The following CARMIL3 variants were observed in gnomAD, a reference collection of about 807,000 sequenced individuals.
CARMIL3 encodes the protein capping protein regulator and myosin 1 linker 3.
A neutral mutation model predicts 180.8 loss-of-function variants in CARMIL3; 88 were observed. That is an observed-to-expected ratio of 0.49 (90% CI 0.41 to 0.58). The LOEUF (loss-of-function observed/expected upper bound fraction) is 0.58, where lower values mean the gene tolerates loss of function less well. Among genes scored for constraint, CARMIL3 ranks in the 20% least tolerant of loss-of-function variants. The pLI is 0.00. For synonymous variants in CARMIL3, 696 were observed against 714.5 expected (o/e 0.97, Z 0.41); for missense variants, 1,548 against 1,787.0 (o/e 0.87, Z 2.41).
rs373406404 is a variant in CARMIL3 at position 24,058,872 on chromosome 14, C to G, written c.1475-18C>G. The G allele has an allele frequency of 2.5e-6, 4 of 1,614,036 alleles. No individual in the cohort carries two copies. In the African/African-American group the frequency reaches 5.3e-5, roughly 22 times the overall value. On this transcript the variant is annotated intron_variant, in intron 18 of 39. Coordinates refer to ENST00000342740, the MANE Select transcript of CARMIL3 (RefSeq NM_138360.4). This position sits in a 1 kb window ranked among gnomAD's most constrained non-coding sequence, Gnocchi z 6.4. Reference sequence around the variant, plus strand: ...AGCCTCAGGCCTCCAGGCCAGGCCTCTCCCATCTGCTCACCAGGGTTCGAC... The same window carrying G: ...AGCCTCAGGCCTCCAGGCCAGGCCTGTCCCATCTGCTCACCAGGGTTCGAC...
chr14:24,066,683 A>C (rs773763553), intron 36 of CARMIL3, 27 bp downstream of exon 36: 24 of 1,609,800 alleles, frequency 1.5e-5, no homozygotes, highest in Non-Finnish European at 1.9e-5. Flanking sequence ...TTCAGGCAGC[A>C]GTACTGAAAG....
intron 14 of CARMIL3, 73 bp downstream of exon 14, chr14:24,057,317 C>G: frequency 1.0e-5 from 14 of 1,394,576 alleles, no homozygotes; most frequent in South Asian, 3.6e-5. Flanking sequence ...GTCTCACCCC[C>G]TATCCCTGAG....
Position 24,059,755 on chromosome 14 carries a change from C to A in CARMIL3, c.1868+23C>A. 1 of 1,612,498 alleles carries A rather than the reference C, an allele frequency of 6.2e-7. No individual in the cohort carries two copies. On this transcript the variant is annotated intron_variant, in intron 22 of 39. Coordinates refer to ENST00000342740, the MANE Select transcript of CARMIL3 (RefSeq NM_138360.4). The surrounding 1 kb of genome is among the most constrained non-coding windows in gnomAD (Gnocchi z 6.3). ...GAGGTGAGTAGACCATGGTCCTGCCCTGATCCAAGTCCCCAGCCTCCCTGT... is the reference window on the plus strand; with the variant it reads ...GAGGTGAGTAGACCATGGTCCTGCCATGATCCAAGTCCCCAGCCTCCCTGT...
At position 24,060,060 on chromosome 14, in the gene CARMIL3, G is replaced by A. The variant is rs61732659; in HGVS notation, c.1959G>A (p.Gln653=). The A allele has an allele frequency of 6.2e-7, 1 of 1,613,960 alleles. No individual in the cohort carries two copies. The highest frequency in any genetic ancestry group is 1.3e-5 in the African/African-American group (1 of 75,080). ...SAPERTEDVW[Q]KIQWCLVRNN... ...CTGAGCGCACCGAGGACGTCTGGCA[G>A]AAGGTGCAGGGTGCTGTCCTAAGCA... Residue 653 remains glutamine (Q), a synonymous_variant, in exon 23 of 40, where the codon CAG becomes CAA. Coordinates refer to ENST00000342740, the MANE Select transcript of CARMIL3 (RefSeq NM_138360.4).
At position 24,054,572 on chromosome 14, in the gene CARMIL3, T is replaced by A; in HGVS notation, c.362+61T>A. The stretch of plus-strand genomic sequence containing the variant: ...ATGAGAGGGAGAGTTCATCCCTTCC[T>A]CCTTCCCCTGGGCCAGGGCTGAGAA... On this transcript the variant is annotated intron_variant, in intron 5 of 39. Transcript: ENST00000342740. The surrounding 1 kb of genome is among the most constrained non-coding windows in gnomAD (Gnocchi z 5.1). 1 of 1,553,282 alleles carries A rather than the reference T, an allele frequency of 6.4e-7. No homozygotes were observed. The highest frequency in any genetic ancestry group is 1.1e-5 in the South Asian group (1 of 88,882).
chr14:24,055,458 A>G (rs1393972668), intron 8 of CARMIL3, 85 bp from the exon 9 acceptor site: 10 of 1,549,722 alleles, frequency 6.5e-6, no homozygotes, highest in Non-Finnish European at 8.0e-6. Flanking sequence ...GGCCTTCCCC[A>G]GCCCAACCAC....
rs1290398207 is a variant in CARMIL3 at position 24,059,114 on chromosome 14, C to G, written c.1572-21C>G. 5 of 1,591,136 alleles carry G rather than the reference C, an allele frequency of 3.1e-6. No homozygotes were observed. The highest frequency in any genetic ancestry group is 4.3e-6 in the Non-Finnish European group (5 of 1,169,036). ...TGACCCCAGCCCTTCCCCTCCTACT[C>G]TGAGCCCCGCCTCCCTGCAGGACCC... On this transcript the variant is annotated intron_variant, in intron 19 of 39. Coordinates refer to ENST00000342740, the MANE Select transcript of CARMIL3 (RefSeq NM_138360.4). The surrounding 1 kb of genome is among the most constrained non-coding windows in gnomAD (Gnocchi z 6.3).
chr14:24,053,701 C>T lies in CARMIL3; in HGVS notation c.41-8C>T, dbSNP rs750574999. ...TGAAGCTCTGAGCAGGCTCCCACCC[C>T]CCCTCAGACAGCATCCGGAGGTGCC... is the stretch of plus-strand genomic sequence containing the variant. On this transcript the variant is annotated splice_region_variant and splice_polypyrimidine_tract_variant and intron_variant, in intron 1 of 39. Transcript: ENST00000342740. 6 of 1,602,780 alleles carry T rather than the reference C, an allele frequency of 3.7e-6. No individual in the cohort carries two copies. Among genetic ancestry groups the T allele is most frequent in the Non-Finnish European group, 4.3e-6 (5 of 1,173,834 alleles).
At position 24,068,459 on chromosome 14, in the gene CARMIL3, A is replaced by G. The variant is rs895665282; in HGVS notation, c.3683-125A>G. 3.2e-5 allele frequency: 23 copies of G among 718,518 alleles called. 1 individual carries two copies. In the Admixed American group the frequency reaches 6.0e-4, roughly 19 times the overall value. The allele number at this position is 718,518 out of a possible 1,614,324, so 44.5% of individuals were successfully genotyped here. The stretch of plus-strand genomic sequence containing the variant: ...AAAAAGGCACATGAAAGGCAGAGAC[A>G]TAGGAGCAAGTGGGCTTGGAGGGAG... On this transcript the variant is annotated intron_variant, in intron 36 of 39. Transcript: ENST00000342740.
intron 1 of CARMIL3, among the ~76,000 whole-genome samples, 159 bp downstream of exon 1, chr14:24,052,352 C>G (rs1340937419): frequency 6.6e-6 from 1 of 152,206 alleles, no homozygotes; most frequent in Non-Finnish European, 1.5e-5. Flanking sequence ...GCATCGCTGT[C>G]CCCGGAGCAT....
In CARMIL3 at chr14:24,052,193, G is replaced by A; in HGVS notation, c.40G>A (p.Asp14Asn). ...PSVELTRELQ[D>N]SIRRCLSQGA... ...CGTGGAGCTCACCCGCGAGTTGCAAGGTACGAGGCTGCCTCGGTCTCTGGG... is the reference window on the plus strand; with the variant it reads ...CGTGGAGCTCACCCGCGAGTTGCAAAGTACGAGGCTGCCTCGGTCTCTGGG... The change falls in exon 1 of 40, where the codon GAC (aspartate) becomes AAC (asparagine). Residue 14 changes from aspartate to asparagine, a missense_variant and splice_region_variant. This residue lies in a region of CARMIL3 where 578 missense variants were observed against 666.5 expected (regional missense o/e 0.87). Coordinates refer to ENST00000342740, the MANE Select transcript of CARMIL3 (RefSeq NM_138360.4). 1 of 1,590,144 alleles carries A rather than the reference G, an allele frequency of 6.3e-7. No homozygotes were observed. Among genetic ancestry groups the A allele is most frequent in the Non-Finnish European group, 8.5e-7 (1 of 1,172,518 alleles).
intron 32 of CARMIL3, 57 bp downstream of exon 32, chr14:24,064,403 G>A: frequency 7.6e-7 from 1 of 1,309,730 alleles, no homozygotes; most frequent in Non-Finnish European, 1.1e-6. Context: ...TAGAAGGGCT[G>A]CTGTGTCCTC....
rs149381660 is a variant in CARMIL3 at position 24,064,996 on chromosome 14, C to G, written c.3119C>G (p.Ser1040Trp). 2 of 1,612,236 alleles carry G rather than the reference C, an allele frequency of 1.2e-6. No individual in the cohort carries two copies. Among genetic ancestry groups the G allele is most frequent in the South Asian group, 1.1e-5 (1 of 91,048 alleles). ...CTGAGGACCGTGCGGCCAGGACTCTCGGAGGCACCGCTGCCTCCACTCCAG... is the reference window on the plus strand; with the variant it reads ...CTGAGGACCGTGCGGCCAGGACTCTGGGAGGCACCGCTGCCTCCACTCCAG... ...RTLRTVRPGL[S>W]EAPLPPLQKK... Residue 1040 changes from serine to tryptophan, a missense_variant, in exon 33 of 40, where the codon TCG (serine) becomes TGG (tryptophan). Ser to Trp is a radical substitution (Grantham distance 177). Around this residue, in one of 4 missense-constraint regions of CARMIL3, gnomAD observed 668 missense variants for 687.8 expected, o/e 0.97. Transcript: ENST00000342740.
Position 24,058,411 on chromosome 14 carries a change from A to G in CARMIL3, c.1392+187A>G, listed in dbSNP as rs2035696903. Among the ~76,000 whole-genome samples the G allele has an allele frequency of 6.6e-6, 1 of 152,052 alleles. No homozygotes were observed. The highest frequency in any genetic ancestry group is 1.5e-5 in the Non-Finnish European group (1 of 68,018). ...AGGCCATTCATTCTCAGTCTCTAGT[A>G]TCTCTGCCCTTAAAGCTTTGGGGTG... On this transcript the variant is annotated intron_variant, in intron 17 of 39. Transcript: ENST00000342740. This position sits in a 1 kb window ranked among gnomAD's most constrained non-coding sequence, Gnocchi z 6.4.
chr14:24,064,435 A>G (rs1029167026), intron 32 of CARMIL3, 89 bp downstream of exon 32: 13 of 941,570 alleles, frequency 1.4e-5, no homozygotes, highest in East Asian at 5.3e-5. Flanking sequence ...GGGAGTCTCC[A>G]TAACAGCAGT....
rs766839196 is a variant in CARMIL3 at position 24,062,498 on chromosome 14, C to G, written c.2499C>G (p.Val833=). ...QNKLDEVKLS[V]VTYLTSSIVD... is the part of the protein sequence containing the mutation. ...CCCACAGTGAAGTGAAGCTCTCAGT[C>G]GTCACCTACCTAACCAGCTCCATAG... Residue 833 remains valine (V), a synonymous_variant, in exon 28 of 40, where the codon GTC becomes GTG. Coordinates refer to ENST00000342740, the MANE Select transcript of CARMIL3 (RefSeq NM_138360.4). 1.2e-6 allele frequency: 2 copies of G among 1,614,164 alleles called. No homozygotes were observed. The highest frequency in any genetic ancestry group is 2.2e-5 in the South Asian group (2 of 91,076).
intron 32 of CARMIL3, 119 bp from the exon 33 acceptor site, chr14:24,064,839 C>G (rs2035768679): frequency 9.7e-7 from 1 of 1,036,198 alleles, no homozygotes; most frequent in East Asian, 2.5e-5. Context: ...TCCCTGAGAA[C>G]TAAGTGGAAA....
In CARMIL3 at chr14:24,058,266, A is replaced by G. The variant is rs2035695636; in HGVS notation, c.1392+42A>G. The G allele has an allele frequency of 2.5e-6, 4 of 1,587,100 alleles. No homozygotes were observed. The highest frequency in any genetic ancestry group is 2.3e-5 in the South Asian group (2 of 87,446). ...CAACCCCTCTGCCCGCCTCCGATCC[A>G]TGTGCATTTCTCAGACCTAAGTCAA... On this transcript the variant is annotated intron_variant, in intron 17 of 39. Coordinates refer to ENST00000342740, the MANE Select transcript of CARMIL3 (RefSeq NM_138360.4). This position sits in a 1 kb window ranked among gnomAD's most constrained non-coding sequence, Gnocchi z 6.4.
chr14:24,056,727 C>G lies in CARMIL3; in HGVS notation c.952+19C>G. On this transcript the variant is annotated intron_variant, in intron 12 of 39. Transcript: ENST00000342740. ...CCTCGAGGTACTCGCACCAAGGACC[C>G]CTGACCTCTGACCCTACCCTGGTGC... 1 of 1,610,488 alleles carries G rather than the reference C, an allele frequency of 6.2e-7. No individual in the cohort carries two copies. Among genetic ancestry groups the G allele is most frequent in the Non-Finnish European group, 8.5e-7 (1 of 1,178,874 alleles).
Sources: gnomAD v4.1 joint callset for allele counts (sites outside exome capture counted in the v4.1 genomes callset) on GRCh38, gnomAD v4.1.1 for gene constraint, gnomAD v4.1.1 regional missense constraint, Gnocchi (gnomAD v3.1) non-coding constraint, MANE v1.5 for transcripts, NCBI Gene and HGNC (gene_info 2026-07-23, HGNC 2026-07-21) for gene names.